Variants in INSR observed in about 807,000 individuals in gnomAD.
INSR encodes the protein insulin receptor.
Under a neutral mutation model 142.6 loss-of-function variants are expected in INSR, and 67 were observed. The ratio of observed to expected loss-of-function variants is 0.47; its 90% CI spans 0.39 to 0.58. INSR has a LOEUF of 0.58. INSR is among the 20% of genes least tolerant of loss of function. INSR has a pLI of 0.00. For synonymous variants in INSR, 756 were observed against 743.1 expected (o/e 1.02, Z -0.28); for missense variants, 1,248 against 1,833.2 (o/e 0.68, Z 5.83).
chr19:7,285,987 G>T (rs1483455839), intron 1 of INSR, among the ~76,000 whole-genome samples: 5 of 152,158 alleles, frequency 3.3e-5, no homozygotes, highest in South Asian at 4.1e-4. Context: ...AAAATATTTT[G>T]TTGTTGTTGT....
chr19:7,276,924 T>A (rs150247709), intron 1 of INSR, among the ~76,000 whole-genome samples: 3,581 of 151,912 alleles, frequency 0.024, 114 homozygotes, highest in African/African-American at 0.073. Context: ...AGAGACAGGG[T>A]TTTGCCAAGT....
chr19:7,286,871 G>A (rs1378024028), intron 1 of INSR, among the ~76,000 whole-genome samples: 1 of 151,638 alleles, frequency 6.6e-6, no homozygotes, highest in East Asian at 1.9e-4. Context: ...GAGACAGAGA[G>A]AGGATCTCAC....
intron 9 of INSR, among the ~76,000 whole-genome samples, chr19:7,162,764 G>A (rs969494280): frequency 2.0e-5 from 3 of 152,062 alleles, no homozygotes; most frequent in African/African-American, 7.2e-5. Context: ...AGGTTGCGAT[G>A]AGCCAAGGTC....
chr19:7,239,825 GGA>G (rs202093969), intron 2 of INSR, among the ~76,000 whole-genome samples: 7,873 of 57,916 alleles, frequency 0.14, 527 homozygotes, highest in East Asian at 0.45. Flanking sequence ...GTGGCTGAGA[GGA>G]AAAAAAAAAG....
intron 2 of INSR, among the ~76,000 whole-genome samples, chr19:7,245,244 G>T (rs77155258): frequency 0.061 from 9,297 of 151,684 alleles, 886 homozygotes; most frequent in African/African-American, 0.2. Context: ...CCCTCAATGG[G>T]TTTTATATGA....
rs933776090 is a variant in INSR, at chr19:7,225,319, C to T, written c.653-40682G>A. Reference sequence around the variant, plus strand: ...TGTAAGATGATTCCTCAGGGAGAAACGCTAATGTTCCCCTTCCCCGACACT... The same window carrying T: ...TGTAAGATGATTCCTCAGGGAGAAATGCTAATGTTCCCCTTCCCCGACACT... On this transcript the variant is annotated intron_variant, in intron 2 of 21. Transcript: ENST00000302850. This position sits in a 1 kb window ranked among gnomAD's most constrained non-coding sequence, Gnocchi z 4.7. 6.6e-6 allele frequency among the ~76,000 whole-genome samples: 1 copy of T among 152,104 alleles called. No individual in the cohort carries two copies.
intron 10 of INSR, among the ~76,000 whole-genome samples, chr19:7,151,442 A>AT (rs35890851): frequency 1.2e-3 from 164 of 142,166 alleles, no homozygotes; most frequent in East Asian, 8.4e-3. Context: ...ATGTCTGGCT[A>AT]TTTTTTTTTT....
At chr19:7,197,514 GGGGTGTGTGTGTGT>G (rs1199575765) in intron 2 of INSR, among the ~76,000 whole-genome samples, 1 of 26,948 alleles carries the variant, frequency 3.7e-5, no homozygotes, top group Non-Finnish European at 9.8e-5. Context: ...AGTGGGAGTG[GGGGTGTGTGTGTGT>G]GTGTGTGTGT....
Position 7,284,917 on chromosome 19 carries a change from A to C in INSR, c.100+8875T>G, listed in dbSNP as rs117716409. On this transcript the variant is annotated intron_variant, in intron 1 of 21. Coordinates refer to ENST00000302850, the MANE Select transcript of INSR (RefSeq NM_000208.4). ...GGAATGCCCTCTTACTTGACCTCAC[A>C]TTTGAGACTCGTACTTATGAGTGTC... Among the ~76,000 whole-genome samples the C allele has an allele frequency of 9.0e-3, 1,367 of 152,270 alleles. 16 individuals carry two copies. The highest frequency in any genetic ancestry group is 0.044 in the Middle Eastern group (13 of 294).
chr19:7,251,565 A>G (rs892349070), intron 2 of INSR, among the ~76,000 whole-genome samples: 7 of 148,988 alleles, frequency 4.7e-5, no homozygotes, highest in African/African-American at 1.5e-4. Context: ...CCGGCCATCA[A>G]TTTTTTTTTT....
intron 3 of INSR, among the ~76,000 whole-genome samples, chr19:7,178,615 G>C (rs2144972080): frequency 6.6e-6 from 1 of 152,114 alleles, no homozygotes; most frequent in East Asian, 1.9e-4. Flanking sequence ...GCTACTCGGG[G>C]GGCTGAGGCA....
At chr19:7,206,131 G>C (rs781227713) in intron 2 of INSR, among the ~76,000 whole-genome samples, 5 of 152,132 alleles carry the variant, frequency 3.3e-5, no homozygotes, top group Admixed American at 3.3e-4. Flanking sequence ...TATTTCATGG[G>C]AAGAGAGGGT....
intron 21 of INSR, among the ~76,000 whole-genome samples, chr19:7,118,698 C>G (rs1003481394): frequency 2.7e-5 from 4 of 148,572 alleles, no homozygotes; most frequent in Non-Finnish European, 5.9e-5. Context: ...GTGGGTGGAT[C>G]ACGAGGTCAG....
chr19:7,282,664 G>A (rs965462688), intron 1 of INSR, among the ~76,000 whole-genome samples: 26 of 143,990 alleles, frequency 1.8e-4, no homozygotes, highest in African/African-American at 6.5e-4. Flanking sequence ...CCTGGGCAAC[G>A]GAGTAAGACT....
At chr19:7,137,665 G>A (rs1972966359) in intron 13 of INSR, among the ~76,000 whole-genome samples, 1 of 151,846 alleles carries the variant, frequency 6.6e-6, no homozygotes, top group Non-Finnish European at 1.5e-5. Context: ...GTGGGTGCCT[G>A]TAATCCCAGC....
At position 7,142,951 on chromosome 19, in the gene INSR, TCAC is replaced by T. The variant is rs1309633182; in HGVS notation, c.2404_2406del (p.Val802del). On this transcript the variant is annotated inframe_deletion, in exon 12 of 22. Transcript: ENST00000302850. ...CCGGAGATGACCAGCGACTCCTTGT[TCAC>T]CACCTTCTCAAAAGGCCTGTGCTCC... 4.3e-6 allele frequency: 7 copies of T among 1,614,170 alleles called. No individual in the cohort carries two copies. Among genetic ancestry groups the T allele is most frequent in the Non-Finnish European group, 5.9e-6 (7 of 1,180,016 alleles).
chr19:7,169,603 C>T (rs983526892), intron 6 of INSR, among the ~76,000 whole-genome samples: 5 of 144,290 alleles, frequency 3.5e-5, no homozygotes, highest in African/African-American at 1.3e-4. Context: ...AAAAAAGAAG[C>T]TCTTCCTCTG....
intron 14 of INSR, 89 bp downstream of exon 14, chr19:7,132,069 G>C: frequency 6.6e-7 from 1 of 1,526,686 alleles, no homozygotes; most frequent in Non-Finnish European, 9.1e-7. Context: ...GCCAGCACCT[G>C]CGGCCTCTCC....
At chr19:7,161,390 A>G (rs1973745494) in intron 9 of INSR, among the ~76,000 whole-genome samples, 2 of 151,872 alleles carry the variant, frequency 1.3e-5, no homozygotes, top group Admixed American at 1.3e-4. Flanking sequence ...CTCCCAAGTA[A>G]CTGGGACTAC....
Sources: allele counts gnomAD v4.1 joint callset (sites outside exome capture counted in the v4.1 genomes callset), GRCh38; gene constraint gnomAD v4.1.1; non-coding constraint Gnocchi (gnomAD v3.1); transcripts MANE v1.5; gene names NCBI Gene and HGNC (gene_info 2026-07-23, HGNC 2026-07-21).